The following TNRC6A variants were observed in gnomAD, a reference collection of about 807,000 sequenced individuals.
TNRC6A encodes the protein trinucleotide repeat-containing gene 6A protein.
A neutral mutation model predicts 221.2 loss-of-function variants in TNRC6A; 44 were observed. The observed-to-expected ratio is 0.20, with a 90% CI of 0.16 to 0.26. The LOEUF is 0.26. Ranked by LOEUF, TNRC6A falls within the 10% of genes least tolerant of loss-of-function variation. TNRC6A has a pLI of 1.00. For synonymous variants in TNRC6A, 847 were observed against 838.5 expected (o/e 1.01, Z -0.18); for missense variants, 2,199 against 2,404.4 (o/e 0.91, Z 1.79).
intron 11 of TNRC6A, among the ~76,000 whole-genome samples, chr16:24,802,279 T>C (rs1224345325): frequency 6.6e-6 from 1 of 152,180 alleles, no homozygotes; most frequent in African/African-American, 2.4e-5. Flanking sequence ...CCGGGCACAG[T>C]GGCTCATGAC....
chr16:24,734,384 A>G (rs761731717), intron 2 of TNRC6A, among the ~76,000 whole-genome samples: 2 of 152,054 alleles, frequency 1.3e-5, no homozygotes, highest in Non-Finnish European at 2.9e-5. Context: ...GCTAAGTTAC[A>G]TTTTGCAGTT....
chr16:24,662,254 A>C (rs779936551), intron 2 of TNRC6A: 3 of 152,006 alleles, frequency 2.0e-5, no homozygotes, highest in Non-Finnish European at 4.4e-5. Context: ...GTTCCAGAAC[A>C]GCCTAAGCAA....
chr16:24,760,362 G>C (rs1471354163), intron 4 of TNRC6A, among the ~76,000 whole-genome samples: 2 of 152,060 alleles, frequency 1.3e-5, no homozygotes, highest in Non-Finnish European at 2.9e-5. Flanking sequence ...TGAGTACCTA[G>C]TGTTTATATC....
chr16:24,754,284 T>A (rs1454175265), intron 3 of TNRC6A, among the ~76,000 whole-genome samples: 2 of 152,168 alleles, frequency 1.3e-5, no homozygotes, highest in African/African-American at 4.8e-5. Flanking sequence ...ATAGTTTTTA[T>A]TATCCTATCA....
intron 2 of TNRC6A, among the ~76,000 whole-genome samples, chr16:24,742,885 C>G (rs1172327271): frequency 2.6e-5 from 4 of 152,036 alleles, no homozygotes; most frequent in African/African-American, 9.7e-5. Context: ...GAGCCGAGAT[C>G]GAGCCATTGC....
At chr16:24,642,965 G>A (rs1220816947) in intron 2 of TNRC6A, among the ~76,000 whole-genome samples, 1 of 150,498 alleles carries the variant, frequency 6.6e-6, no homozygotes, top group East Asian at 1.9e-4. Flanking sequence ...GATGGCTGGA[G>A]CCCAGGAGTT....
At chr16:24,712,808 C>T (rs1425822753) in intron 2 of TNRC6A, among the ~76,000 whole-genome samples, 1 of 152,112 alleles carries the variant, frequency 6.6e-6, no homozygotes, top group Non-Finnish European at 1.5e-5. Context: ...GGCTAGAGTG[C>T]AGTGGCACAA....
chr16:24,684,312 G>C (rs558316718), intron 2 of TNRC6A, among the ~76,000 whole-genome samples: 1 of 152,194 alleles, frequency 6.6e-6, no homozygotes, highest in Admixed American at 6.5e-5. Context: ...GGCTGAGGTG[G>C]GAGGATCACT....
chr16:24,717,601 T>C (rs2056336247), intron 2 of TNRC6A, among the ~76,000 whole-genome samples: 1 of 152,072 alleles, frequency 6.6e-6, no homozygotes, highest in African/African-American at 2.4e-5. Flanking sequence ...ATTTGTCAGA[T>C]AAAGCAAAAC....
At chr16:24,689,452 T>G (rs1194448982) in intron 2 of TNRC6A, among the ~76,000 whole-genome samples, 1 of 152,182 alleles carries the variant, frequency 6.6e-6, no homozygotes, top group Non-Finnish European at 1.5e-5. Flanking sequence ...ATCCGCACAT[T>G]GATGAGAATT....
intron 2 of TNRC6A, among the ~76,000 whole-genome samples, chr16:24,703,948 G>C (rs1195635237): frequency 6.6e-6 from 1 of 151,776 alleles, no homozygotes; most frequent in Non-Finnish European, 1.5e-5. Flanking sequence ...ACTGGGCGTG[G>C]TGATGCGTAC....
intron 2 of TNRC6A, among the ~76,000 whole-genome samples, chr16:24,657,790 T>A (rs2054949620): frequency 6.6e-6 from 1 of 152,010 alleles, no homozygotes; most frequent in Non-Finnish European, 1.5e-5. Context: ...AGAGAATATT[T>A]TGTCAATTCT....
intron 2 of TNRC6A, among the ~76,000 whole-genome samples, chr16:24,722,815 G>T (rs896770422): frequency 7.9e-5 from 12 of 152,136 alleles, no homozygotes; most frequent in Non-Finnish European, 1.3e-4. Flanking sequence ...AGTTTTAGGG[G>T]TGTTCTACGG....
At chr16:24,691,723 G>A (rs1446684413) in intron 2 of TNRC6A, among the ~76,000 whole-genome samples, 1 of 151,712 alleles carries the variant, frequency 6.6e-6, no homozygotes, top group Non-Finnish European at 1.5e-5. Flanking sequence ...AGCTGAGATT[G>A]TGCCACAGTA....
chr16:24,748,337 C>A (rs1339240069), intron 2 of TNRC6A, among the ~76,000 whole-genome samples: 1 of 152,184 alleles, frequency 6.6e-6, no homozygotes, highest in Non-Finnish European at 1.5e-5. Flanking sequence ...ACTGATTTTA[C>A]TCTGCTGCTC....
chr16:24,811,987 TC>T (rs1286948933), intron 18 of TNRC6A, among the ~76,000 whole-genome samples: 2 of 149,382 alleles, frequency 1.3e-5, no homozygotes, highest in Non-Finnish European at 3.0e-5. Flanking sequence ...GATTCTAAGT[TC>T]GTTTGCCGTT....
chr16:24,622,062 C>T (rs1900700970), intron 1 of TNRC6A, among the ~76,000 whole-genome samples: 1 of 152,128 alleles, frequency 6.6e-6, no homozygotes, highest in Non-Finnish European at 1.5e-5. Flanking sequence ...CATTTCACAT[C>T]ACTTCCAAAA....
At chr16:24,621,263 A>G (rs1012110278) in intron 1 of TNRC6A, among the ~76,000 whole-genome samples, 1 of 151,798 alleles carries the variant, frequency 6.6e-6, no homozygotes, top group African/African-American at 2.4e-5. Flanking sequence ...TATGGTCTCA[A>G]TAATGGTTCA....
At chr16:24,819,980 G>C (rs2058735413) in intron 21 of TNRC6A, among the ~76,000 whole-genome samples, 159 bp from the exon 22 acceptor site, 1 of 152,058 alleles carries the variant, frequency 6.6e-6, no homozygotes. Context: ...AGTTTCCTTT[G>C]GACTGATTTT....
Sources: allele counts gnomAD v4.1 joint callset (sites outside exome capture counted in the v4.1 genomes callset), GRCh38; gene constraint gnomAD v4.1.1; transcripts MANE v1.5; gene names NCBI Gene and HGNC (gene_info 2026-07-23, HGNC 2026-07-21).